MRAP: variants seen among roughly 807,000 people sequenced by gnomAD.
MRAP encodes the protein melanocortin 2 receptor accessory protein.
In MRAP, 8 loss-of-function variants were observed where a neutral mutation model predicts 8.7. The observed-to-expected ratio is 0.92, with a 90% confidence interval of 0.54 to 1.66. MRAP has a LOEUF of 1.66. Among genes scored for constraint, MRAP ranks in the 40% most tolerant of loss-of-function variants. The pLI, the probability that MRAP is intolerant of heterozygous loss-of-function variation, is 0.00. For missense variants in MRAP, 237 were observed against 217.1 expected (o/e 1.09, Z -0.58); for synonymous variants, 95 against 95.5 (o/e 1.00, Z 0.03).
intron 2 of MRAP, among the ~76,000 whole-genome samples, chr21:32,309,534 C>G (rs2032503260): frequency 6.6e-6 from 1 of 151,514 alleles, no homozygotes; most frequent in Admixed American, 6.6e-5. Context: ...TCACTGCAAC[C>G]TCCACCTCCC....
intron 2 of MRAP, 167 bp downstream of exon 2, chr21:32,306,906 A>T: frequency 1.5e-6 from 1 of 688,250 alleles, no homozygotes; most frequent in Non-Finnish European, 2.6e-6. Flanking sequence ...CAAATCCAAA[A>T]ATCCGAAATA....
intron 1 of MRAP, among the ~76,000 whole-genome samples, chr21:32,300,870 C>T (rs2032274766): frequency 6.6e-6 from 1 of 150,752 alleles, no homozygotes; most frequent in Non-Finnish European, 1.5e-5. Context: ...CGTCATGCGT[C>T]CTATGTCGGG....
At chr21:32,311,559 G>A in intron 2 of MRAP, 125 bp from the exon 3 acceptor site, 2 of 1,381,276 alleles carry the variant, frequency 1.4e-6, no homozygotes, top group South Asian at 1.4e-5. Context: ...TCAGGAATTT[G>A]CCTGTGTGGC....
intron 1 of MRAP, among the ~76,000 whole-genome samples, chr21:32,302,470 T>C (rs1258455982): frequency 6.6e-6 from 1 of 152,224 alleles, no homozygotes; most frequent in Non-Finnish European, 1.5e-5. Flanking sequence ...TTCTGGTACA[T>C]TCATTGAGAA....
At chr21:32,306,971 T>C (rs1420987577) in intron 2 of MRAP, 11 of 588,336 alleles carry the variant, frequency 1.9e-5, no homozygotes, top group Non-Finnish European at 3.4e-5. Context: ...GTTGCAGATT[T>C]TGCAGCGTTT....
intron 1 of MRAP, among the ~76,000 whole-genome samples, chr21:32,305,929 G>A (rs1163937407): frequency 6.6e-6 from 1 of 152,176 alleles, no homozygotes; most frequent in Non-Finnish European, 1.5e-5. Context: ...GGGCCCCAGG[G>A]GGGCTAAGTG....
intron 1 of MRAP, among the ~76,000 whole-genome samples, chr21:32,299,453 GCCTCCCAA>G (rs2032207788): frequency 6.6e-6 from 1 of 152,024 alleles, no homozygotes; most frequent in South Asian, 2.1e-4. Context: ...TCCTACCTCA[GCCTCCCAA>G]GTAACTGAGA....
At chr21:32,293,010 T>A (rs2032078200) in exon 2 of MRAP, 1 of 152,160 alleles carries the variant, frequency 6.6e-6, no homozygotes, top group Non-Finnish European at 1.5e-5. Context: ...GCAGATGTGA[T>A]TAAGGATTGT....
At chr21:32,309,355 G>A (rs553859719) in intron 2 of MRAP, among the ~76,000 whole-genome samples, 56 of 152,146 alleles carry the variant, frequency 3.7e-4, no homozygotes, top group African/African-American at 1.2e-3. Context: ...TGCCCTGCCC[G>A]TGGTGTCTCA....
intron 2 of MRAP, chr21:32,308,763 C>T (rs567799720): frequency 1.3e-5 from 2 of 153,032 alleles, no homozygotes; most frequent in Non-Finnish European, 2.9e-5. Context: ...GAATCTAGAA[C>T]CTGAGGGATG....
chr21:32,313,388 G>C (rs1011436355), downstream of MRAP: 2 of 152,290 alleles, frequency 1.3e-5, no homozygotes, highest in Non-Finnish European at 2.9e-5. Context: ...GGAAGAGAAC[G>C]CTTTGTTGGA....
chr21:32,313,953 C>G (rs947188977), downstream of MRAP: 9 of 153,064 alleles, frequency 5.9e-5, no homozygotes, highest in African/African-American at 2.2e-4. Context: ...ACACAAAAAC[C>G]TTACAAAAAT....
At chr21:32,293,290 A>G (rs538432662) in intron 2 of MRAP, among the ~76,000 whole-genome samples, 3 of 152,188 alleles carry the variant, frequency 2.0e-5, no homozygotes, top group African/African-American at 7.2e-5. Flanking sequence ...TTTGAGTCCC[A>G]TAAGACTCAT....
At chr21:32,303,783 G>A (rs1279597996) in intron 1 of MRAP, among the ~76,000 whole-genome samples, 1 of 152,220 alleles carries the variant, frequency 6.6e-6, no homozygotes, top group East Asian at 1.9e-4. Context: ...TTCTCTCCAA[G>A]CACTTGGGTG....
rs75858661 is a variant in MRAP at position 32,306,681 on chromosome 21, G to C, written c.148G>C (p.Val50Leu). Residue 50 changes from valine to leucine, a missense_variant, in exon 2 of 3, where the codon GTG (valine) becomes CTG (leucine). By Grantham distance (32) the Val-to-Leu change is conservative. Coordinates refer to ENST00000303645, the MANE Select transcript of MRAP (RefSeq NM_001379228.1). The stretch of plus-strand genomic sequence containing the variant: ...ATTCTGGGTGAGCCTGGCTGCCTTC[G>C]TGGTGCTGCTCTTCCTCATCTTGCT... ...IAFWVSLAAF[V>L]VLLFLILLYM... The C allele has an allele frequency of 1.9e-6, 3 of 1,614,060 alleles. No homozygotes were observed. Among genetic ancestry groups the C allele is most frequent in the South Asian group, 1.1e-5 (1 of 91,060 alleles).
chr21:32,311,655 G>A, intron 2 of MRAP, 29 bp from the exon 3 acceptor site: 1 of 1,611,746 alleles, frequency 6.2e-7, no homozygotes, highest in South Asian at 1.1e-5. Context: ...CAACTATGAT[G>A]CCTGCCTCCC....
chr21:32,302,303 A>T (rs578146465), intron 1 of MRAP, among the ~76,000 whole-genome samples: 2 of 152,380 alleles, frequency 1.3e-5, no homozygotes, highest in South Asian at 4.1e-4. Context: ...CTCACAACAT[A>T]GCAAAATTGT....
At chr21:32,313,349 G>A (rs1392938899), downstream of MRAP, 1 of 152,272 alleles carries the variant, frequency 6.6e-6, no homozygotes, top group Non-Finnish European at 1.5e-5. Flanking sequence ...ATAGGCCTTG[G>A]AGAGGTGGAT....
intron 2 of MRAP, among the ~76,000 whole-genome samples, chr21:32,309,520 C>T (rs1231908541): frequency 2.0e-5 from 3 of 151,214 alleles, no homozygotes; most frequent in Non-Finnish European, 3.0e-5. Context: ...GGCGTGATCT[C>T]GGCTCACTGC....
Sources: gnomAD v4.1 joint callset for allele counts (sites outside exome capture counted in the v4.1 genomes callset) on GRCh38, gnomAD v4.1.1 for gene constraint, MANE v1.5 for transcripts, NCBI Gene and HGNC (gene_info 2026-07-23, HGNC 2026-07-21) for gene names.